Variants in GFOD1 observed in about 807,000 individuals in gnomAD.
The protein encoded by GFOD1 is Gfo/Idh/MocA-like oxidoreductase domain containing 1, also known as glucose-fructose oxidoreductase domain-containing protein 1.
GFOD1 carries 9 observed loss-of-function variants against 25.4 expected under a neutral mutation model. The observed-to-expected ratio is 0.35, with a 90% confidence interval of 0.21 to 0.62. The LOEUF (loss-of-function observed/expected upper bound fraction) is 0.62, where lower values mean the gene tolerates loss of function less well. Among genes scored for constraint, GFOD1 ranks in the 20% least tolerant of loss-of-function variants. GFOD1 has a pLI of 0.72. For missense variants in GFOD1, 403 were observed against 556.9 expected, an observed-to-expected ratio of 0.72 and a Z score of 2.78; for synonymous variants, 253 against 245.6, an observed-to-expected ratio of 1.03 and a Z score of -0.28.
chr6:13,414,661 A>C (rs1161543473), intron 1 of GFOD1, among the ~76,000 whole-genome samples: 1 of 152,206 alleles, frequency 6.6e-6, no homozygotes, highest in Non-Finnish European at 1.5e-5. Context: ...ATGTTGGGAA[A>C]AATGTCAGCA....
rs1584667561 is a variant in GFOD1, at chr6:13,464,898, G to A, written c.253+21740C>T. Among the ~76,000 whole-genome samples the A allele has an allele frequency of 5.0e-5, 3 of 59,694 alleles. No individual in the cohort carries two copies. In the East Asian group the frequency reaches 1.9e-3, roughly 37 times the overall value. The allele number at this position is 59,694 out of a possible 152,430, so 39.2% of individuals were successfully genotyped here. On this transcript the variant is annotated intron_variant, in intron 1 of 1. Coordinates refer to ENST00000379287, the MANE Select transcript of GFOD1 (RefSeq NM_018988.4). ...TGTGTGTGTGTGTGTGTGTGTGTGT[G>A]TGTGTGTGTATCCTTTTGGTTCTGT...
At chr6:13,390,784 G>A (rs767765782) in intron 1 of GFOD1, among the ~76,000 whole-genome samples, 3,628 of 124,938 alleles carry the variant, frequency 0.029, 67 homozygotes, top group Admixed American at 0.062. Flanking sequence ...AGAGAGAAAG[G>A]AAGGAAGGAA....
At chr6:13,421,619 T>C (rs1786258608) in intron 1 of GFOD1, among the ~76,000 whole-genome samples, 1 of 152,144 alleles carries the variant, frequency 6.6e-6, no homozygotes, top group Non-Finnish European at 1.5e-5. Flanking sequence ...GCAAAAGGCA[T>C]ATGCCGCCCA....
rs553250459 is a variant in GFOD1, at chr6:13,460,076, G to A, written c.253+26562C>T. On this transcript the variant is annotated intron_variant, in intron 1 of 1. Transcript: ENST00000379287. ...TTGAACTCAGGAGGCGGAGGTTACAGTGAGCCGAGATCGCGCCACTGCACT... is the reference window on the plus strand; with the variant it reads ...TTGAACTCAGGAGGCGGAGGTTACAATGAGCCGAGATCGCGCCACTGCACT... Among the ~76,000 whole-genome samples, 8 of 152,380 alleles carry A rather than the reference G, an allele frequency of 5.3e-5. No individual in the cohort carries two copies. The South Asian group carries it at 1.0e-3, about 20-fold the overall frequency.
chr6:13,439,516 C>T (rs868358355), intron 1 of GFOD1, among the ~76,000 whole-genome samples: 3 of 152,190 alleles, frequency 2.0e-5, no homozygotes, highest in African/African-American at 4.8e-5. Flanking sequence ...TCACCGGGCA[C>T]AGTAGCTCAT....
chr6:13,466,307 A>G (rs1335126790), intron 1 of GFOD1, among the ~76,000 whole-genome samples: 1 of 152,218 alleles, frequency 6.6e-6, no homozygotes, highest in African/African-American at 2.4e-5. Context: ...AAGTAAACAG[A>G]TTTCTTTTCC....
Position 13,477,455 on chromosome 6 carries a change from C to G in GFOD1, c.253+9183G>C, listed in dbSNP as rs1758653089. On this transcript the variant is annotated intron_variant, in intron 1 of 1. Coordinates refer to ENST00000379287, the MANE Select transcript of GFOD1 (RefSeq NM_018988.4). ...TCCTGACTCCTGGCTCCTTCAAGCT[C>G]CTAAGACAATACTTGAGCAGAAAGG... Among the ~76,000 whole-genome samples the G allele has an allele frequency of 3.3e-5, 5 of 151,980 alleles. No individual in the cohort carries two copies. In the South Asian group the frequency reaches 1.0e-3, roughly 32 times the overall value.
chr6:13,361,914 G>A lies in GFOD1; in HGVS notation c.*2829C>T, dbSNP rs1167207856. 6.6e-6 allele frequency: 1 copy of A among 151,960 alleles called. No homozygotes were observed. Among genetic ancestry groups the A allele is most frequent in the Non-Finnish European group, 1.5e-5 (1 of 68,006 alleles). The allele number at this position is 151,960 out of a possible 1,614,324, so 9.4% of individuals were successfully genotyped here. ...TATTACAGAGCTTAGAGGCCTTTGT[G>A]GGGACCTCTCTCCAAAACCCGAAGT... On this transcript the variant is annotated 3_prime_UTR_variant, in exon 2 of 2. Coordinates refer to ENST00000379287, the MANE Select transcript of GFOD1 (RefSeq NM_018988.4).
Position 13,486,870 on chromosome 6 carries a change from C to T in GFOD1, c.21G>A (p.Val7=). Residue 7 remains valine, a synonymous_variant, in exon 1 of 2, where the codon GTG becomes GTA. Coordinates refer to ENST00000379287, the MANE Select transcript of GFOD1 (RefSeq NM_018988.4). MLPGVG[V]FGTSLTARVI... ...CACGGGCCGTGAGGCTGGTGCCGAA[C>T]ACGCCCACCCCGGGAAGCATGGCTG... 1 of 1,611,448 alleles carries T rather than the reference C, an allele frequency of 6.2e-7. No homozygotes were observed. Among genetic ancestry groups the T allele is most frequent in the Non-Finnish European group, 8.5e-7 (1 of 1,179,996 alleles).
Position 13,361,204 on chromosome 6 carries a change from A to T in GFOD1, c.*3539T>A, listed in dbSNP as rs1021067085. ...TAAGGGGGGTCTGGGGTGCCCTACA[A>T]TGCAATTGTCTGTTGAGAGGAGAAG... On this transcript the variant is annotated 3_prime_UTR_variant, in exon 2 of 2. Coordinates refer to ENST00000379287, the MANE Select transcript of GFOD1 (RefSeq NM_018988.4). 1.6e-5 allele frequency: 4 copies of T among 250,484 alleles called. No individual in the cohort carries two copies. Among genetic ancestry groups the T allele is most frequent in the Middle Eastern group, 1.5e-3 (1 of 668 alleles). 15.5% of individuals were successfully genotyped at this position (250,484 alleles called of 1,614,324 possible). A position where few individuals can be genotyped will look rare whatever the true frequency, so the allele number is the denominator to read the frequency against.
intron 1 of GFOD1, among the ~76,000 whole-genome samples, chr6:13,454,046 C>T (rs979718736): frequency 3.9e-5 from 6 of 152,194 alleles, no homozygotes; most frequent in African/African-American, 4.8e-5. Flanking sequence ...TCCAATATGA[C>T]TGGTGCCACC....
intron 1 of GFOD1, among the ~76,000 whole-genome samples, chr6:13,459,893 G>C (rs1040850504): frequency 6.6e-6 from 1 of 152,208 alleles, no homozygotes; most frequent in Admixed American, 6.5e-5. Context: ...CAGCACTTTG[G>C]GAGGCTGAGG....
chr6:13,414,491 G>T (rs1464855490), intron 1 of GFOD1, among the ~76,000 whole-genome samples: 1 of 152,208 alleles, frequency 6.6e-6, no homozygotes, highest in Non-Finnish European at 1.5e-5. Context: ...CTCTGGCCAG[G>T]CATGTAGCAC....
intron 1 of GFOD1, among the ~76,000 whole-genome samples, chr6:13,453,940 G>T (rs548057333): frequency 6.6e-6 from 1 of 152,308 alleles, no homozygotes; most frequent in South Asian, 2.1e-4. Context: ...AGATGTCACA[G>T]TCCTCACTTC....
chr6:13,416,953 G>A (rs1247203456), intron 1 of GFOD1, among the ~76,000 whole-genome samples: 1 of 152,192 alleles, frequency 6.6e-6, no homozygotes, highest in East Asian at 1.9e-4. Flanking sequence ...CCAGGGTAGA[G>A]CCTGGCTGAG....
chr6:13,422,267 T>C (rs536789375), intron 1 of GFOD1, among the ~76,000 whole-genome samples: 17 of 152,242 alleles, frequency 1.1e-4, no homozygotes, highest in African/African-American at 4.1e-4. Context: ...AAACCCCAAG[T>C]GGAGTAAAAG....
chr6:13,415,017 C>T (rs1383130336), intron 1 of GFOD1, among the ~76,000 whole-genome samples: 7 of 152,184 alleles, frequency 4.6e-5, no homozygotes, highest in Non-Finnish European at 1.0e-4. Flanking sequence ...GAATTAGGCA[C>T]CAATGAGAAA....
intron 1 of GFOD1, among the ~76,000 whole-genome samples, chr6:13,436,780 C>T (rs552925162): frequency 1.5e-3 from 228 of 152,318 alleles, no homozygotes; most frequent in Non-Finnish European, 2.7e-3. Context: ...GCTTTATTTT[C>T]TCCATTTCGT....
chr6:13,382,338 A>C, intron 1 of GFOD1, among the ~76,000 whole-genome samples: 1 of 104,294 alleles, frequency 9.6e-6, no homozygotes, highest in South Asian at 3.6e-4. Context: ...GTGGGAGGTA[A>C]TTGAATCATG....
Sources: gnomAD v4.1 joint callset for allele counts (sites outside exome capture counted in the v4.1 genomes callset) on GRCh38, gnomAD v4.1.1 for gene constraint, MANE v1.5 for transcripts, NCBI Gene and HGNC (gene_info 2026-07-23, HGNC 2026-07-21) for gene names.